Variants in DST observed in about 807,000 individuals in gnomAD.
DST encodes bullous pemphigoid antigen.
DST carries 253 observed loss-of-function variants against 875.2 expected under a neutral mutation model. The ratio of observed to expected loss-of-function variants is 0.29; its 90% CI spans 0.26 to 0.32. The LOEUF is 0.32. Among genes scored for constraint, DST ranks in the 10% least tolerant of loss-of-function variants. The probability of loss-of-function intolerance (pLI) is 1.00; values close to 1 mark genes in which losing one functional copy is unlikely to be tolerated. For synonymous variants in DST, 3,124 were observed against 3,197.1 expected, an observed-to-expected ratio of 0.98 and a Z score of 0.77; for missense variants, 8,287 against 9,111.6, an observed-to-expected ratio of 0.91 and a Z score of 3.68.
chr6:56,535,127 G>T lies in DST; in HGVS notation c.16936C>A (p.Gln5646Lys). The T allele has an allele frequency of 1.2e-6, 2 of 1,613,082 alleles. No homozygotes were observed. The highest frequency in any genetic ancestry group is 1.7e-6 in the Non-Finnish European group (2 of 1,179,648). Residue 5646 changes from glutamine (Q) to lysine (K), a missense_variant, in exon 63 of 104, where the codon CAA (glutamine) becomes AAA (lysine). Physicochemically the swap from Gln to Lys is moderately conservative, Grantham distance 53. Around this residue, in one of 10 missense-constraint regions of DST, gnomAD observed 777 missense variants for 764.8 expected, o/e 1.02. Transcript: ENST00000680361. ...FKVVKAQIQE[Q>K]KLLQRLLDDR... The stretch of plus-strand genomic sequence containing the variant: ...CAAAAGCATGACTAACTTACCTTTT[G>T]TTCTTGTATCTGGGCCTTTACCACT...
rs1174512042 is a variant in DST, at chr6:56,598,574, C to T, written c.11830G>A (p.Ala3944Thr). 3.1e-6 allele frequency: 5 copies of T among 1,612,446 alleles called. No individual in the cohort carries two copies. The highest frequency in any genetic ancestry group is 1.7e-5 in the Admixed American group (1 of 59,958). ...KALIEQKLNE[A>T]KIKCEQLNLK... ...TTAAGCTGTTCACACTTTATCTTAG[C>T]TTCATTAAGTTTCTGTTCAATCAAA... The change falls in exon 46 of 104, where the codon GCT (alanine) becomes ACT (threonine). Residue 3944 changes from alanine to threonine, a missense_variant. This residue lies in a region of DST where 1,513 missense variants were observed against 1,677.8 expected (regional missense o/e 0.90). Transcript: ENST00000680361.
chr6:56,701,975 G>T lies in DST; in HGVS notation c.877-10C>A. ...GACCTTTTTCTCTGGGCTAAGAACA[G>T]AAAAATGCAGGTATGAAAAAGAGTT... On this transcript the variant is annotated splice_polypyrimidine_tract_variant and intron_variant, in intron 7 of 103. Coordinates refer to ENST00000680361, the MANE Select transcript of DST (RefSeq NM_001374736.1). The T allele has an allele frequency of 1.3e-6, 2 of 1,570,318 alleles. No individual in the cohort carries two copies. Among genetic ancestry groups the T allele is most frequent in the Non-Finnish European group, 1.7e-6 (2 of 1,143,358 alleles).
At chr6:56,646,273 G>GT in intron 13 of DST, 91 bp from the exon 14 acceptor site, 1 of 655,254 alleles carries the variant, frequency 1.5e-6, no homozygotes, top group Non-Finnish European at 2.5e-6. Context: ...GTTATGTACT[G>GT]TATCATATGC....
intron 3 of DST, chr6:56,871,303 G>T (rs1032897227): frequency 7.5e-6 from 6 of 803,718 alleles, no homozygotes; most frequent in Non-Finnish European, 6.8e-6. Flanking sequence ...GACACCAAGG[G>T]TATGCATATA....
chr6:56,825,091 A>T (rs1333265973), intron 4 of DST, among the ~76,000 whole-genome samples: 1 of 151,856 alleles, frequency 6.6e-6, no homozygotes, highest in Admixed American at 6.6e-5. Flanking sequence ...GAGAAATCGG[A>T]TGGTTGCCGT....
intron 5 of DST, among the ~76,000 whole-genome samples, chr6:56,706,073 G>GC (rs2099332454): frequency 6.6e-6 from 1 of 152,182 alleles, no homozygotes; most frequent in Non-Finnish European, 1.5e-5. Flanking sequence ...ACTTTGGGAG[G>GC]CCAAGGCAAG....
intron 4 of DST, among the ~76,000 whole-genome samples, chr6:56,822,360 T>TGGGA (rs1288438057): frequency 5.9e-5 from 9 of 151,960 alleles, no homozygotes; most frequent in African/African-American, 2.2e-4. Context: ...AGGGAGGGGA[T>TGGGA]GGGACGCAGG....
At position 56,619,687 on chromosome 6, in the gene DST, T is replaced by C. The variant is rs1464844205; in HGVS notation, c.4929+4843A>G. On this transcript the variant is annotated intron_variant, in intron 36 of 103. Coordinates refer to ENST00000680361, the MANE Select transcript of DST (RefSeq NM_001374736.1). ...CTTGCATGGCTTCTTCAGCTTTACC[T>C]GTGGTTTGATTCAATTGCCTACCAA... The C allele has an allele frequency of 6.2e-7, 1 of 1,614,006 alleles. No individual in the cohort carries two copies. Among genetic ancestry groups the C allele is most frequent in the South Asian group, 1.1e-5 (1 of 91,082 alleles).
chr6:56,612,163 G>A (rs2098550775), intron 37 of DST, among the ~76,000 whole-genome samples: 1 of 152,180 alleles, frequency 6.6e-6, no homozygotes, highest in African/African-American at 2.4e-5. Context: ...TTGAGCTCAG[G>A]CGTTTGAGAC....
Position 56,610,578 on chromosome 6 carries a change from T to C in DST, c.5148-16A>G. On this transcript the variant is annotated splice_polypyrimidine_tract_variant and intron_variant, in intron 38 of 103. Coordinates refer to ENST00000680361, the MANE Select transcript of DST (RefSeq NM_001374736.1). ...ATCTGTCATTCTAAATAACCAGAAA[T>C]GATAAAAAGACTAATGCAAGTCGTC... The C allele has an allele frequency of 6.4e-7, 1 of 1,564,974 alleles. No homozygotes were observed. Among genetic ancestry groups the C allele is most frequent in the Non-Finnish European group, 8.6e-7 (1 of 1,159,800 alleles).
rs1200410992 is a variant in DST at position 56,629,283 on chromosome 6, C to G, written c.4442G>C (p.Arg1481Thr). 2 of 1,613,714 alleles carry G rather than the reference C, an allele frequency of 1.2e-6. No individual in the cohort carries two copies. The highest frequency in any genetic ancestry group is 3.3e-5 in the Admixed American group (2 of 60,010). ...AATCTGCACATGAACATTTTGCCACCTTTCAACTAATTGATCTGCTTTTTC... is the reference window on the plus strand; with the variant it reads ...AATCTGCACATGAACATTTTGCCACGTTTCAACTAATTGATCTGCTTTTTC... ...HKEKADQLVE[R>T]WQNVHVQIDN... is the part of the protein sequence containing the mutation. Residue 1481 changes from arginine (R) to threonine (T), a missense_variant, in exon 32 of 104, where the codon AGG (arginine) becomes ACG (threonine). Physicochemically the swap from Arg to Thr is moderately conservative, Grantham distance 71 (BLOSUM62 -1). This residue lies in a region of DST where 3,138 missense variants were observed against 3,116.6 expected (regional missense o/e 1.01). Coordinates refer to ENST00000680361, the MANE Select transcript of DST (RefSeq NM_001374736.1).
At chr6:56,566,494 C>G (rs558909254) in intron 55 of DST, among the ~76,000 whole-genome samples, 1 of 152,298 alleles carries the variant, frequency 6.6e-6, no homozygotes, top group African/African-American at 2.4e-5. Context: ...GGCAACACCC[C>G]ACCCTGCTTC....
At chr6:56,576,638 G>A (rs528112768) in intron 50 of DST, among the ~76,000 whole-genome samples, 1 of 152,292 alleles carries the variant, frequency 6.6e-6, no homozygotes, top group African/African-American at 2.4e-5. Context: ...AATGGTGTAT[G>A]AGAGTGAGTA....
intron 5 of DST, among the ~76,000 whole-genome samples, chr6:56,716,025 CTG>C (rs1006936162): frequency 1.3e-5 from 2 of 152,196 alleles, no homozygotes; most frequent in Non-Finnish European, 2.9e-5. Flanking sequence ...TCCTATGAAT[CTG>C]TCTGTTGTCA....
At chr6:56,841,760 G>A (rs542653013) in intron 4 of DST, among the ~76,000 whole-genome samples, 1 of 152,032 alleles carries the variant, frequency 6.6e-6, no homozygotes, top group African/African-American at 2.4e-5. Context: ...CCTTTTCAAA[G>A]CTCTGGAAAC....
intron 2 of DST, among the ~76,000 whole-genome samples, chr6:56,934,560 T>TATATATA (rs1554267212): frequency 1.9e-5 from 2 of 106,484 alleles, no homozygotes; most frequent in African/African-American, 7.1e-5. Context: ...ATATATTATA[T>TATATATA]TATATATATA....
chr6:56,546,127 A>G (rs2097216106), intron 61 of DST, among the ~76,000 whole-genome samples: 1 of 151,706 alleles, frequency 6.6e-6, no homozygotes, highest in South Asian at 2.1e-4. Context: ...TTTAGAAACA[A>G]GAGATTCACC....
At position 56,616,466 on chromosome 6, in the gene DST, T is replaced by C. The variant is rs759306858; in HGVS notation, c.4930-1982A>G. 1.3e-4 allele frequency: 216 copies of C among 1,614,036 alleles called. No homozygotes were observed. The highest frequency in any genetic ancestry group is 1.7e-4 in the Non-Finnish European group (198 of 1,180,024). ...TACTACAGAAATTCTATGTGTTTTC[T>C]TGACATTGAGATTGGAAATGTTCCT... On this transcript the variant is annotated intron_variant, in intron 36 of 103. Coordinates refer to ENST00000680361, the MANE Select transcript of DST (RefSeq NM_001374736.1).
chr6:56,763,307 A>T (rs78685566), intron 4 of DST, among the ~76,000 whole-genome samples: 2 of 152,136 alleles, frequency 1.3e-5, no homozygotes, highest in African/African-American at 4.8e-5. Flanking sequence ...TAATAAGTCA[A>T]AGCGCTGCTT....
Sources: allele counts gnomAD v4.1 joint callset (sites outside exome capture counted in the v4.1 genomes callset), GRCh38; gene constraint gnomAD v4.1.1; regional missense constraint gnomAD v4.1.1; transcripts MANE v1.5; gene names NCBI Gene and HGNC (gene_info 2026-07-23, HGNC 2026-07-21).